The following PIK3CD variants were observed in gnomAD, a reference collection of about 807,000 sequenced individuals.
PIK3CD encodes phosphatidylinositol 4,5-bisphosphate 3-kinase catalytic subunit delta isoform.
A neutral mutation model predicts 122.9 loss-of-function variants in PIK3CD; 20 were observed. The ratio of observed to expected loss-of-function variants is 0.16; its 90% CI spans 0.11 to 0.24. The LOEUF is 0.24. Ranked by LOEUF, PIK3CD falls within the 10% of genes least tolerant of loss-of-function variation. PIK3CD has a pLI of 1.00. For missense variants in PIK3CD, 787 were observed against 1,406.3 expected, an observed-to-expected ratio of 0.56 and a Z score of 7.04; for synonymous variants, 596 against 593.4, an observed-to-expected ratio of 1.00 and a Z score of -0.06.
chr1:9,632,768 C>T, the PIK3CD span, among the ~76,000 whole-genome samples: 3 of 152,072 alleles, frequency 2.0e-5, no homozygotes, highest in East Asian at 1.9e-4. Flanking sequence ...ATCTCTAGAT[C>T]CCTTCTAGTC....
intron 1 of PIK3CD, among the ~76,000 whole-genome samples, chr1:9,686,021 A>C (rs533518572): frequency 6.6e-6 from 1 of 152,322 alleles, no homozygotes; most frequent in East Asian, 1.9e-4. Context: ...AGCATTTGGG[A>C]GAAGCTGAGA....
At chr1:9,679,936 T>C (rs1645686067) in intron 1 of PIK3CD, among the ~76,000 whole-genome samples, 1 of 152,096 alleles carries the variant, frequency 6.6e-6, no homozygotes, top group African/African-American at 2.4e-5. Flanking sequence ...GTGATCCTTC[T>C]GTTTCAGCCT....
chr1:9,670,167 A>AG, intron 1 of PIK3CD, among the ~76,000 whole-genome samples: 1 of 151,858 alleles, frequency 6.6e-6, no homozygotes, highest in Non-Finnish European at 1.5e-5. Flanking sequence ...AAAAAAAAAA[A>AG]AAAAAGTTCC....
intron 3 of PIK3CD, among the ~76,000 whole-genome samples, chr1:9,714,782 C>G (rs968206664): frequency 6.6e-6 from 1 of 152,148 alleles, no homozygotes; most frequent in African/African-American, 2.4e-5. Context: ...TGTGGGAGGG[C>G]TGGAGGCCCG....
rs2100938056 is a variant in PIK3CD at position 9,720,126 on chromosome 1, C to T, written c.1354C>T (p.Leu452=). ...CCTGTGTTCAGATGAGAAGGGCGAG[C>T]TGCTGAACCCCACGGGCACTGTGCG... ...WPSVPDEKGE[L]LNPTGTVRSN... Residue 452 remains leucine, a synonymous_variant, in exon 11 of 24, where the codon CTG becomes TTG. Coordinates refer to ENST00000377346, the MANE Select transcript of PIK3CD (RefSeq NM_005026.5). The surrounding 1 kb of genome is among the most constrained non-coding windows in gnomAD (Gnocchi z 9.0). The T allele has an allele frequency of 6.2e-7, 1 of 1,613,262 alleles. No homozygotes were observed. Among genetic ancestry groups the T allele is most frequent in the Non-Finnish European group, 8.5e-7 (1 of 1,180,008 alleles).
chr1:9,716,627 C>T lies in PIK3CD; in HGVS notation c.780+8C>T, dbSNP rs541784762. 1.1e-5 allele frequency: 17 copies of T among 1,552,000 alleles called. No homozygotes were observed. Among genetic ancestry groups the T allele is most frequent in the African/African-American group, 5.5e-5 (4 of 73,192 alleles). ...CCGCTCTGCCAGTTCCAGGTGAGGC[C>T]GCTGAGGCCCTCTGCACTCTGGGCT... On this transcript the variant is annotated splice_region_variant and intron_variant, in intron 6 of 23. Transcript: ENST00000377346.
rs1486282293 is a variant in PIK3CD at position 9,727,995 on chromosome 1, G to A, written c.*949G>A. ...AATTTTTGTATTTTAGTAGAGACGG[G>A]GGTTTCACCATGTTGGCTGGGCTGG... On this transcript the variant is annotated 3_prime_UTR_variant, in exon 24 of 24. Transcript: ENST00000377346. 6.3e-6 allele frequency: 1 copy of A among 158,134 alleles called. No individual in the cohort carries two copies. Among genetic ancestry groups the A allele is most frequent in the African/African-American group, 2.4e-5 (1 of 41,584 alleles). 9.8% of individuals were successfully genotyped at this position (158,134 alleles called of 1,614,324 possible).
At chr1:9,716,392 C>T (rs1408381382) in intron 5 of PIK3CD, 48 bp from the exon 6 acceptor site, 7 of 1,588,886 alleles carry the variant, frequency 4.4e-6, no homozygotes, top group Middle Eastern at 2.3e-4. Context: ...TGCCCCAGAA[C>T]CCCGGGGGGC....
In PIK3CD at chr1:9,717,034, C is replaced by A. The variant is rs146796121; in HGVS notation, c.856C>A (p.Arg286=). The A allele has an allele frequency of 5.6e-6, 9 of 1,613,682 alleles. No homozygotes were observed. Among genetic ancestry groups the A allele is most frequent in the African/African-American group, 1.3e-5 (1 of 74,902 alleles). The change falls in exon 7 of 24, where the codon CGG becomes AGG. Residue 286 remains arginine (R), a synonymous_variant. Coordinates refer to ENST00000377346, the MANE Select transcript of PIK3CD (RefSeq NM_005026.5). This position sits in a 1 kb window ranked among gnomAD's most constrained non-coding sequence, Gnocchi z 5.4. Reference sequence around the variant, plus strand: ...CCATTCCTCCTCCATCCTCGCCATGCGGGATGAGCAGAGCAACCCTGCCCC... The same window carrying A: ...CCATTCCTCCTCCATCCTCGCCATGAGGGATGAGCAGAGCAACCCTGCCCC... ...MVHSSSILAM[R]DEQSNPAPQV...
the PIK3CD span, among the ~76,000 whole-genome samples, chr1:9,634,146 G>GTTTTT: frequency 8.6e-6 from 1 of 116,682 alleles, no homozygotes; most frequent in African/African-American, 4.2e-5. Context: ...TAATTTTTGG[G>GTTTTT]TTGTTTTTTT....
In PIK3CD at chr1:9,727,703, T is replaced by C. The variant is rs1570417272; in HGVS notation, c.*657T>C. The C allele has an allele frequency of 4.7e-6, 1 of 213,800 alleles. No homozygotes were observed. The highest frequency in any genetic ancestry group is 9.5e-6 in the Non-Finnish European group (1 of 105,494). 13.2% of individuals were successfully genotyped at this position (213,800 alleles called of 1,614,324 possible). A position where few individuals can be genotyped will look rare whatever the true frequency, so the allele number is the denominator to read the frequency against. On this transcript the variant is annotated 3_prime_UTR_variant, in exon 24 of 24. Coordinates refer to ENST00000377346, the MANE Select transcript of PIK3CD (RefSeq NM_005026.5). Reference sequence around the variant, plus strand: ...CCCCATAAAGGAGAATCTACGCTGGTCCTCAGGACGTGTTAAAGAGATCTG... The same window carrying C: ...CCCCATAAAGGAGAATCTACGCTGGCCCTCAGGACGTGTTAAAGAGATCTG...
At chr1:9,668,365 G>A (rs1557602867) in intron 1 of PIK3CD, among the ~76,000 whole-genome samples, 1 of 151,184 alleles carries the variant, frequency 6.6e-6, no homozygotes, top group Non-Finnish European at 1.5e-5. Flanking sequence ...TTGTCTGAAG[G>A]ATTAAATAAG....
intron 3 of PIK3CD, among the ~76,000 whole-genome samples, chr1:9,711,760 T>C (rs1647061326): frequency 6.6e-6 from 1 of 152,008 alleles, no homozygotes; most frequent in Admixed American, 6.6e-5. Context: ...GTCTGTATTT[T>C]TTGTGGAGAT....
chr1:9,720,517 C>CT lies in PIK3CD; in HGVS notation c.1471-93dup. ...GCCTCCATGCAGAGGACAGCGCCCC[C>CT]TCAAGGATGATTGGGGTGGCAATGC... On this transcript the variant is annotated intron_variant, in intron 11 of 23. Transcript: ENST00000377346. This position sits in a 1 kb window ranked among gnomAD's most constrained non-coding sequence, Gnocchi z 9.0. 6.5e-7 allele frequency: 1 copy of CT among 1,541,536 alleles called. No homozygotes were observed. The highest frequency in any genetic ancestry group is 2.5e-5 in the East Asian group (1 of 40,716).
At chr1:9,671,990 C>A (rs1001761362) in intron 1 of PIK3CD, among the ~76,000 whole-genome samples, 1 of 152,144 alleles carries the variant, frequency 6.6e-6, no homozygotes, top group South Asian at 2.1e-4. Context: ...CAAGGCAGCA[C>A]CCCAGGAGCC....
intron 1 of PIK3CD, among the ~76,000 whole-genome samples, chr1:9,686,957 T>C (rs1645987117): frequency 6.6e-6 from 1 of 152,246 alleles, no homozygotes; most frequent in South Asian, 2.1e-4. Context: ...TTAAGGTCTC[T>C]ATCTTTTTAG....
chr1:9,680,448 A>T (rs577471946), intron 1 of PIK3CD, among the ~76,000 whole-genome samples: 42 of 132,208 alleles, frequency 3.2e-4, no homozygotes, highest in African/African-American at 1.4e-3. Flanking sequence ...TGTCTCTATT[A>T]AAAAAAAAAA....
chr1:9,716,273 C>A, intron 5 of PIK3CD, 167 bp from the exon 6 acceptor site: 2 of 810,648 alleles, frequency 2.5e-6, no homozygotes, highest in Non-Finnish European at 2.0e-6. Flanking sequence ...AACCAAGTGG[C>A]GTGGGGCATT....
chr1:9,722,211 C>A lies in PIK3CD; in HGVS notation c.2235-33C>A. 1 of 1,610,926 alleles carries A rather than the reference C, an allele frequency of 6.2e-7. No individual in the cohort carries two copies. The highest frequency in any genetic ancestry group is 8.5e-7 in the Non-Finnish European group (1 of 1,178,690). On this transcript the variant is annotated intron_variant, in intron 17 of 23. Transcript: ENST00000377346. The surrounding 1 kb of genome is among the most constrained non-coding windows in gnomAD (Gnocchi z 7.6). ...CACCCCTGGGAGGCCGGTAGAGGAG[C>A]CCCTGCTGACTGCCCGCTCTCTGGC...
Sources: allele counts gnomAD v4.1 joint callset (sites outside exome capture counted in the v4.1 genomes callset), GRCh38; gene constraint gnomAD v4.1.1; non-coding constraint Gnocchi (gnomAD v3.1); transcripts MANE v1.5; gene names NCBI Gene and HGNC (gene_info 2026-07-23, HGNC 2026-07-21).